ADARB2: variants seen among roughly 807,000 people sequenced by gnomAD.
The protein encoded by ADARB2 is adenosine deaminase RNA specific B2 (inactive).
Under a neutral mutation model 62.2 loss-of-function variants are expected in ADARB2, and 25 were observed. The ratio of observed to expected loss-of-function variants is 0.40; its 90% confidence interval spans 0.29 to 0.56. ADARB2 has a LOEUF of 0.56. ADARB2 is among the 20% of genes least tolerant of loss of function. The pLI is 0.43. For missense variants in ADARB2, 1,071 were observed against 1,077.4 expected (o/e 0.99, Z 0.08); for synonymous variants, 572 against 500.8 (o/e 1.14, Z -1.90).
chr10:1,585,118 T>A (rs1564338830), intron 1 of ADARB2, among the ~76,000 whole-genome samples: 1 of 152,034 alleles, frequency 6.6e-6, no homozygotes, highest in South Asian at 2.1e-4. Flanking sequence ...GAACTCTGGG[T>A]GGGTGGTGGT....
intron 1 of ADARB2, among the ~76,000 whole-genome samples, chr10:1,436,243 T>C (rs983326208): frequency 1.3e-5 from 2 of 152,228 alleles, no homozygotes; most frequent in Non-Finnish European, 2.9e-5. Flanking sequence ...CTGTTAATTT[T>C]CCAGAATTTT....
At chr10:1,265,343 GAAACACA>G (rs1165237560) in intron 4 of ADARB2, among the ~76,000 whole-genome samples, 2 of 152,254 alleles carry the variant, frequency 1.3e-5, no homozygotes, top group Non-Finnish European at 2.9e-5. Flanking sequence ...ATTCGCTCAT[GAAACACA>G]AGAGTTTCTA....
At chr10:1,271,697 T>A (rs1831265015) in intron 3 of ADARB2, among the ~76,000 whole-genome samples, 1 of 152,182 alleles carries the variant, frequency 6.6e-6, no homozygotes, top group Admixed American at 6.5e-5. Flanking sequence ...CATAATCTGA[T>A]TAGTGATAAG....
At chr10:1,584,668 T>C (rs1833151566) in intron 1 of ADARB2, among the ~76,000 whole-genome samples, 1 of 152,224 alleles carries the variant, frequency 6.6e-6, no homozygotes, top group African/African-American at 2.4e-5. Context: ...TATCCATAAC[T>C]GCCAAAACTT....
intron 1 of ADARB2, among the ~76,000 whole-genome samples, chr10:1,652,726 A>G (rs1315439819): frequency 6.6e-6 from 1 of 152,208 alleles, no homozygotes; most frequent in African/African-American, 2.4e-5. Context: ...ACAGGTCAGC[A>G]TCAGCAAGGA....
At chr10:1,673,233 C>T (rs1356019386) in intron 1 of ADARB2, among the ~76,000 whole-genome samples, 1 of 151,776 alleles carries the variant, frequency 6.6e-6, no homozygotes, top group Non-Finnish European at 1.5e-5. Flanking sequence ...AAGTAAATAT[C>T]GTTCAGTGAA....
At chr10:1,613,545 G>T (rs752660342) in intron 1 of ADARB2, among the ~76,000 whole-genome samples, 3 of 152,160 alleles carry the variant, frequency 2.0e-5, no homozygotes, top group Non-Finnish European at 4.4e-5. Context: ...AACAAAAGGA[G>T]TATACAGCAG....
chr10:1,335,469 G>A (rs76348931), intron 3 of ADARB2, among the ~76,000 whole-genome samples: 2,826 of 147,270 alleles, frequency 0.019, 90 homozygotes, highest in African/African-American at 0.066. Flanking sequence ...GGGAAGAAGG[G>A]TGGGGGGTGA....
At chr10:1,339,398 T>A (rs1832002646) in intron 3 of ADARB2, among the ~76,000 whole-genome samples, 1 of 151,912 alleles carries the variant, frequency 6.6e-6, no homozygotes, top group Non-Finnish European at 1.5e-5. Flanking sequence ...AGGGGAGGAG[T>A]CACTCAGAGC....
At chr10:1,517,592 C>A (rs1184830393) in intron 1 of ADARB2, among the ~76,000 whole-genome samples, 1 of 152,130 alleles carries the variant, frequency 6.6e-6, no homozygotes, top group Admixed American at 6.5e-5. Context: ...CCCACCAATG[C>A]CCACCAAGTG....
chr10:1,679,708 C>T (rs1834510716), intron 1 of ADARB2, among the ~76,000 whole-genome samples: 1 of 152,184 alleles, frequency 6.6e-6, no homozygotes, highest in African/African-American at 2.4e-5. Flanking sequence ...GCAGACTGTT[C>T]TGACACACAC....
At chr10:1,548,924 T>A (rs1832568116) in intron 1 of ADARB2, among the ~76,000 whole-genome samples, 1 of 151,926 alleles carries the variant, frequency 6.6e-6, no homozygotes, top group African/African-American at 2.4e-5. Flanking sequence ...CTGGCAGGAA[T>A]GAGGGTGGGC....
intron 4 of ADARB2, among the ~76,000 whole-genome samples, chr10:1,245,302 GA>G (rs1441001141): frequency 6.6e-6 from 1 of 151,942 alleles, no homozygotes; most frequent in African/African-American, 2.4e-5. Context: ...GAAATAGGAA[GA>G]TTTTTATTTA....
At chr10:1,402,077 C>A (rs904478648) in intron 1 of ADARB2, among the ~76,000 whole-genome samples, 17 of 152,158 alleles carry the variant, frequency 1.1e-4, no homozygotes, top group African/African-American at 3.6e-4. Flanking sequence ...ACGAGACAGA[C>A]TGGAGAAGTG....
chr10:1,695,116 C>CA (rs1564369639), intron 1 of ADARB2, among the ~76,000 whole-genome samples: 1 of 152,166 alleles, frequency 6.6e-6, no homozygotes, highest in African/African-American at 2.4e-5. Flanking sequence ...CGCATCTGTT[C>CA]AGCAGACGGT....
intron 1 of ADARB2, among the ~76,000 whole-genome samples, chr10:1,595,106 C>G (rs1236839670): frequency 6.6e-6 from 1 of 152,200 alleles, no homozygotes; most frequent in South Asian, 2.1e-4. Flanking sequence ...GAATGTCATA[C>G]GGAAGCTGAG....
intron 1 of ADARB2, among the ~76,000 whole-genome samples, chr10:1,481,707 A>G (rs1350453296): frequency 6.6e-6 from 1 of 152,076 alleles, no homozygotes; most frequent in African/African-American, 2.4e-5. Context: ...AAATACAAAA[A>G]TTAGCTGGGT....
At chr10:1,662,942 G>A (rs2119090778) in intron 1 of ADARB2, among the ~76,000 whole-genome samples, 1 of 152,264 alleles carries the variant, frequency 6.6e-6, no homozygotes, top group South Asian at 2.1e-4. Flanking sequence ...AGAACGCCAG[G>A]GTGTGACCCA....
At chr10:1,187,802 G>T in intron 8 of ADARB2, 1 of 408,524 alleles carries the variant, frequency 2.4e-6, no homozygotes, top group Non-Finnish European at 5.1e-6. Context: ...GGCGCTGGCG[G>T]GTGGGCTGCG....
Sources: allele counts gnomAD v4.1 joint callset (sites outside exome capture counted in the v4.1 genomes callset), GRCh38; gene constraint gnomAD v4.1.1; transcripts MANE v1.5; gene names NCBI Gene and HGNC (gene_info 2026-07-23, HGNC 2026-07-21).